The following SAMD4A variants were observed in gnomAD, a reference collection of about 807,000 sequenced individuals.
The protein encoded by SAMD4A is sterile alpha motif domain containing 4A.
Under a neutral mutation model 81.3 loss-of-function variants are expected in SAMD4A, and 33 were observed. The observed-to-expected ratio is 0.41, with a 90% CI of 0.31 to 0.54. The LOEUF (loss-of-function observed/expected upper bound fraction) is 0.54. SAMD4A is among the 20% of genes least tolerant of loss of function. The probability of loss-of-function intolerance (pLI) is 0.37; values close to 1 mark genes in which losing one functional copy is unlikely to be tolerated. For synonymous variants in SAMD4A, 389 were observed against 382.1 expected (o/e 1.02, Z -0.21); for missense variants, 854 against 951.1 (o/e 0.90, Z 1.34).
intron 2 of SAMD4A, among the ~76,000 whole-genome samples, chr14:54,633,676 A>T (rs2034959616): frequency 6.6e-6 from 1 of 152,076 alleles, no homozygotes; most frequent in African/African-American, 2.4e-5. Context: ...AGGGAGAGAT[A>T]GGACTCAAGG....
At chr14:54,566,834 C>T (rs975314397), upstream of SAMD4A, among the ~76,000 whole-genome samples, 1 of 152,052 alleles carries the variant, frequency 6.6e-6, no homozygotes, top group Non-Finnish European at 1.5e-5. Context: ...TGGGCTGGTG[C>T]GGCGCGGCGC....
intron 8 of SAMD4A, among the ~76,000 whole-genome samples, chr14:54,767,870 C>T (rs958096865): frequency 3.9e-5 from 6 of 152,206 alleles, no homozygotes; most frequent in Admixed American, 6.5e-5. Context: ...AGCTGAGAAC[C>T]GGCCCCCACT....
At position 54,680,675 on chromosome 14, in the gene SAMD4A, A is replaced by T. The variant is rs201186824; in HGVS notation, c.197-21387A>T. Among the ~76,000 whole-genome samples the T allele has an allele frequency of 5.3e-5, 8 of 152,380 alleles. No homozygotes were observed. In the East Asian group the frequency reaches 1.5e-3, roughly 29 times the overall value. On this transcript the variant is annotated intron_variant, in intron 2 of 12. Transcript: ENST00000554335. ...TAATGTTAAGGTTTTAAGAAAGCTTAAAGAAACCAGCATCACTGGTAGTTA... is the reference window on the plus strand; with the variant it reads ...TAATGTTAAGGTTTTAAGAAAGCTTTAAGAAACCAGCATCACTGGTAGTTA...
At chr14:54,749,170 G>A (rs1455470071) in intron 5 of SAMD4A, among the ~76,000 whole-genome samples, 1 of 152,198 alleles carries the variant, frequency 6.6e-6, no homozygotes, top group Non-Finnish European at 1.5e-5. Flanking sequence ...ATCAAGTGGT[G>A]TGAAAAGGCA....
rs888915235 is a variant in SAMD4A at position 54,567,662 on chromosome 14, T to A, written c.-255T>A. 1 of 472,282 alleles carries A rather than the reference T, an allele frequency of 2.1e-6. No homozygotes were observed. The highest frequency in any genetic ancestry group is 4.0e-5 in the East Asian group (1 of 25,278). 29.3% of individuals were successfully genotyped at this position (472,282 alleles called of 1,614,324 possible). A position where few individuals can be genotyped will look rare whatever the true frequency, so the allele number is the denominator to read the frequency against. ...TGGGGGATTTTTAAAAAGTCGTTTTTTTTTTTAAAGAAACATTTCCGTGCT... is the reference window on the plus strand; with the variant it reads ...TGGGGGATTTTTAAAAAGTCGTTTTATTTTTTAAAGAAACATTTCCGTGCT... On this transcript the variant is annotated 5_prime_UTR_variant, in exon 2 of 13. Transcript: ENST00000554335.
chr14:54,742,858 C>T (rs1387787544), intron 4 of SAMD4A, among the ~76,000 whole-genome samples: 1 of 152,156 alleles, frequency 6.6e-6, no homozygotes, highest in Non-Finnish European at 1.5e-5. Flanking sequence ...AGTGGAGGGG[C>T]CATTGACTGT....
intron 2 of SAMD4A, among the ~76,000 whole-genome samples, chr14:54,669,940 C>T (rs189207922): frequency 5.9e-5 from 9 of 152,088 alleles, no homozygotes; most frequent in African/African-American, 1.9e-4. Flanking sequence ...CTTCTGCCCC[C>T]CCAGCCCCCT....
intron 2 of SAMD4A, chr14:54,688,375 C>G: frequency 1.0e-6 from 1 of 985,450 alleles, no homozygotes; most frequent in South Asian, 4.7e-5. Context: ...CTTGGAGCAG[C>G]ACATAACTGG....
At chr14:54,592,195 C>A (rs535881336) in intron 2 of SAMD4A, among the ~76,000 whole-genome samples, 2 of 152,228 alleles carry the variant, frequency 1.3e-5, no homozygotes, top group Admixed American at 1.3e-4. Context: ...TGTAAGAACT[C>A]CTTCAACACT....
At chr14:54,589,815 A>T (rs1204472607) in intron 2 of SAMD4A, among the ~76,000 whole-genome samples, 1 of 152,160 alleles carries the variant, frequency 6.6e-6, no homozygotes, top group African/African-American at 2.4e-5. Context: ...GTTCCCTCTG[A>T]TCGACTGCCT....
chr14:54,694,550 G>A, intron 2 of SAMD4A: 1 of 843,964 alleles, frequency 1.2e-6, no homozygotes, highest in African/African-American at 1.8e-5. Flanking sequence ...AGAGGGTGCA[G>A]TTGGAGTGTG....
chr14:54,623,483 C>CAAAAAAAAAAAAAAA (rs59768858), intron 2 of SAMD4A, among the ~76,000 whole-genome samples: 12 of 45,962 alleles, frequency 2.6e-4, no homozygotes, highest in Non-Finnish European at 4.3e-4. Flanking sequence ...TGGACATCAG[C>CAAAAAAAAAAAAAAA]AAAAAAAAAA....
In SAMD4A at chr14:54,603,012, C is replaced by T. The variant is rs114464958; in HGVS notation, c.196+34900C>T. ...AGAACCCCCTGGTGATTTGTTTGCACATTAGAGTTTGAGGAACACTGGTGT... is the reference window on the plus strand; with the variant it reads ...AGAACCCCCTGGTGATTTGTTTGCATATTAGAGTTTGAGGAACACTGGTGT... On this transcript the variant is annotated intron_variant, in intron 2 of 12. Transcript: ENST00000554335. 9.1e-3 allele frequency among the ~76,000 whole-genome samples: 1,391 copies of T among 152,280 alleles called. 27 individuals are homozygous for T. Among genetic ancestry groups the T allele is most frequent in the African/African-American group, 0.032 (1,327 of 41,552 alleles).
chr14:54,756,091 G>A (rs554949746), intron 6 of SAMD4A, among the ~76,000 whole-genome samples: 2 of 152,132 alleles, frequency 1.3e-5, no homozygotes, highest in Non-Finnish European at 1.5e-5. Context: ...CAGAGAAACC[G>A]CAGATAAACT....
intron 2 of SAMD4A, among the ~76,000 whole-genome samples, chr14:54,577,506 C>G (rs768011847): frequency 6.6e-6 from 1 of 152,172 alleles, no homozygotes; most frequent in Non-Finnish European, 1.5e-5. Flanking sequence ...AAAGTGTAGC[C>G]CCTACATTGG....
intron 2 of SAMD4A, among the ~76,000 whole-genome samples, chr14:54,661,729 G>A (rs926775314): frequency 3.3e-5 from 5 of 152,156 alleles, no homozygotes; most frequent in Non-Finnish European, 5.9e-5. Flanking sequence ...AGGTTAGTGG[G>A]AGCGTGTGGA....
chr14:54,729,590 G>C (rs1218551379), intron 3 of SAMD4A, among the ~76,000 whole-genome samples: 2 of 152,156 alleles, frequency 1.3e-5, no homozygotes, highest in Non-Finnish European at 2.9e-5. Flanking sequence ...TTCATTTTAT[G>C]TGGATAGAAA....
intron 9 of SAMD4A, among the ~76,000 whole-genome samples, chr14:54,772,822 C>CA (rs1229524026): frequency 8.4e-5 from 11 of 130,916 alleles, no homozygotes; most frequent in Admixed American, 5.0e-4. Context: ...TAAAAACAAA[C>CA]AAACAAAAAA....
rs144356940 is a variant in SAMD4A, at chr14:54,687,345, C to G, written c.197-14717C>G. ...ATGTTCTTGGCATCTCGGGGAGGAC[C>G]AGGAAGGGTGGTGTGTGGTCAGCTG... On this transcript the variant is annotated intron_variant, in intron 2 of 12. Coordinates refer to ENST00000554335, the MANE Select transcript of SAMD4A (RefSeq NM_015589.6). 3.9e-4 allele frequency: 180 copies of G among 456,554 alleles called. 1 individual carries two copies. Among genetic ancestry groups the G allele is most frequent in the African/African-American group, 3.3e-3 (164 of 50,148 alleles). The allele number at this position is 456,554 out of a possible 1,614,324, so 28.3% of individuals were successfully genotyped here. A position where few individuals can be genotyped will look rare whatever the true frequency, so the allele number is the denominator to read the frequency against.
Sources: gnomAD v4.1 joint callset for allele counts (sites outside exome capture counted in the v4.1 genomes callset) on GRCh38, gnomAD v4.1.1 for gene constraint, MANE v1.5 for transcripts, NCBI Gene and HGNC (gene_info 2026-07-23, HGNC 2026-07-21) for gene names.